Variants in FILIP1L observed in about 807,000 individuals in gnomAD.
The protein encoded by FILIP1L is filamin A interacting protein 1 like, also known as filamin A-interacting protein 1-like.
In FILIP1L, 55 loss-of-function variants were observed where a neutral mutation model predicts 96.6. That is an observed-to-expected ratio of 0.57 (90% CI 0.46 to 0.71). The LOEUF is 0.71. Ranked by LOEUF, FILIP1L falls within the 30% of genes least tolerant of loss-of-function variation. The pLI is 0.00. For missense variants in FILIP1L, 1,304 were observed against 1,321.2 expected (o/e 0.99, Z 0.20); for synonymous variants, 467 against 473.9 (o/e 0.99, Z 0.19).
chr3:99,849,521 C>T lies in FILIP1L; in HGVS notation c.2155G>A (p.Val719Met). 2 of 1,613,320 alleles carry T rather than the reference C, an allele frequency of 1.2e-6. No homozygotes were observed. Among genetic ancestry groups the T allele is most frequent in the South Asian group, 1.1e-5 (1 of 90,868 alleles). ...TGAATTTTCTCTTTTAATGCATCCA[C>T]TTCTCTTGAGAGGTGCCCTGACTTA... ...EAKSGHLSRE[V>M]DALKEKIHEY... Residue 719 changes from valine to methionine, a missense_variant, in exon 5 of 6, where the codon GTG becomes ATG. By Grantham distance (21) the Val-to-Met change is conservative. Coordinates refer to ENST00000477258, the MANE Select transcript of FILIP1L (RefSeq NM_001387850.1).
At chr3:100,005,651 T>C (rs1369611544) in intron 1 of FILIP1L, among the ~76,000 whole-genome samples, 2 of 152,246 alleles carry the variant, frequency 1.3e-5, no homozygotes, top group Non-Finnish European at 2.9e-5. Context: ...ATATTTGTTT[T>C]AATGGAAATT....
At chr3:99,953,732 G>A (rs1708243432) in intron 1 of FILIP1L, among the ~76,000 whole-genome samples, 1 of 152,188 alleles carries the variant, frequency 6.6e-6, no homozygotes, top group Non-Finnish European at 1.5e-5. Context: ...TGAAACCACA[G>A]TGATGGCCTT....
intron 1 of FILIP1L, among the ~76,000 whole-genome samples, chr3:99,996,644 C>T (rs1172052924): frequency 1.3e-5 from 2 of 152,012 alleles, no homozygotes; most frequent in East Asian, 3.9e-4. Context: ...TCTGGGGAGT[C>T]CTCAGAATCA....
intron 1 of FILIP1L, chr3:100,040,208 C>A (rs1316778871): frequency 6.6e-6 from 1 of 152,164 alleles, no homozygotes; most frequent in Non-Finnish European, 1.5e-5. Context: ...GTAACCATCT[C>A]TTACCACTTA....
At chr3:99,906,832 T>G (rs559142370) in intron 4 of FILIP1L, among the ~76,000 whole-genome samples, 2 of 152,170 alleles carry the variant, frequency 1.3e-5, no homozygotes, top group Admixed American at 1.3e-4. Context: ...CAAGACACTT[T>G]TCATGTATTT....
chr3:100,070,666 T>G (rs2065745964), intron 1 of FILIP1L, among the ~76,000 whole-genome samples: 1 of 152,162 alleles, frequency 6.6e-6, no homozygotes, highest in Admixed American at 6.5e-5. Context: ...AGTTTCACTC[T>G]TTTGGCCCAC....
intron 1 of FILIP1L, among the ~76,000 whole-genome samples, chr3:100,101,702 G>A (rs1180946666): frequency 6.6e-6 from 1 of 152,090 alleles, no homozygotes; most frequent in Non-Finnish European, 1.5e-5. Context: ...CATGTGCCAT[G>A]TTGGTGTGCT....
intron 4 of FILIP1L, among the ~76,000 whole-genome samples, chr3:99,895,350 T>G (rs1243927085): frequency 6.6e-6 from 1 of 152,030 alleles, no homozygotes; most frequent in East Asian, 1.9e-4. Flanking sequence ...TGGTCTCATA[T>G]ATTTAGTGAG....
chr3:99,866,223 T>C (rs1168009225), intron 4 of FILIP1L, among the ~76,000 whole-genome samples: 3 of 152,262 alleles, frequency 2.0e-5, no homozygotes, highest in Admixed American at 2.0e-4. Context: ...ACCTTAATTG[T>C]TGTTCAGTTC....
intron 1 of FILIP1L, among the ~76,000 whole-genome samples, chr3:99,952,206 A>G (rs948962812): frequency 1.3e-5 from 2 of 151,994 alleles, no homozygotes; most frequent in African/African-American, 4.8e-5. Flanking sequence ...AATAAGGGTC[A>G]ATTTCTATTT....
intron 1 of FILIP1L, among the ~76,000 whole-genome samples, chr3:100,030,947 A>C (rs755021083): frequency 1.3e-5 from 2 of 152,218 alleles, no homozygotes; most frequent in Non-Finnish European, 2.9e-5. Context: ...ATTATAATAT[A>C]AAATCTATGA....
At chr3:100,104,350 A>T (rs950764592) in intron 1 of FILIP1L, among the ~76,000 whole-genome samples, 2 of 152,216 alleles carry the variant, frequency 1.3e-5, no homozygotes. Flanking sequence ...CCCGTTAACT[A>T]CATCAGTTGT....
intron 1 of FILIP1L, among the ~76,000 whole-genome samples, chr3:100,062,934 T>C (rs762228928): frequency 3.9e-5 from 6 of 152,208 alleles, no homozygotes; most frequent in African/African-American, 9.7e-5. Context: ...TTAATCTCTC[T>C]GAGCCAGCAG....
At chr3:99,974,709 AAACAAC>A (rs371476675) in intron 1 of FILIP1L, among the ~76,000 whole-genome samples, 38 of 151,912 alleles carry the variant, frequency 2.5e-4, no homozygotes, top group African/African-American at 2.4e-4. Flanking sequence ...CTCCATCTCA[AAACAAC>A]AACAACAACA....
intron 4 of FILIP1L, among the ~76,000 whole-genome samples, chr3:99,896,300 G>A (rs560508027): frequency 6.6e-6 from 1 of 152,316 alleles, no homozygotes; most frequent in African/African-American, 2.4e-5. Context: ...ATATGCAAAA[G>A]GAAGGCAAGG....
chr3:100,112,564 T>G (rs1460571554), intron 1 of FILIP1L, among the ~76,000 whole-genome samples: 1 of 152,236 alleles, frequency 6.6e-6, no homozygotes, highest in Non-Finnish European at 1.5e-5. Context: ...CAATTACACA[T>G]GAACTTTAAT....
At chr3:100,110,509 A>T (rs2066473204) in intron 1 of FILIP1L, among the ~76,000 whole-genome samples, 1 of 152,180 alleles carries the variant, frequency 6.6e-6, no homozygotes, top group Admixed American at 6.6e-5. Flanking sequence ...ATAGAGAAAA[A>T]AGTAGCTAAA....
chr3:99,926,655 G>A lies in FILIP1L; in HGVS notation c.427-2247C>T, dbSNP rs114061991. On this transcript the variant is annotated intron_variant, in intron 3 of 5. Transcript: ENST00000477258. ...ATAATTATAGTAGGTATTCAGTAAA[G>A]CATAAATGAATTACTAAAAGAGGCT... Among the ~76,000 whole-genome samples the A allele has an allele frequency of 9.2e-3, 1,399 of 152,258 alleles. 21 individuals carry two copies. Among genetic ancestry groups the A allele is most frequent in the African/African-American group, 0.032 (1,316 of 41,534 alleles).
intron 1 of FILIP1L, among the ~76,000 whole-genome samples, chr3:100,021,942 TGTGTGTGTGTGTGTGTGTGAGA>T (rs1316379775): frequency 1.6e-5 from 2 of 128,032 alleles, no homozygotes; most frequent in Admixed American, 8.3e-5. Flanking sequence ...TGTGTGTGTG[TGTGTGTGTGTGTGTGTGTGAGA>T]GAGAGAGAGA....
Sources: allele counts gnomAD v4.1 joint callset (sites outside exome capture counted in the v4.1 genomes callset), GRCh38; gene constraint gnomAD v4.1.1; transcripts MANE v1.5; gene names NCBI Gene and HGNC (gene_info 2026-07-23, HGNC 2026-07-21).